The following ADARB2 variants were observed in gnomAD, a reference collection of about 807,000 sequenced individuals.
The protein encoded by ADARB2 is adenosine deaminase RNA specific B2 (inactive), also known as inactive double-stranded RNA-specific editase B2.
A neutral mutation model predicts 62.2 loss-of-function variants in ADARB2; 25 were observed. The ratio of observed to expected loss-of-function variants is 0.40; its 90% CI spans 0.29 to 0.56. The LOEUF (loss-of-function observed/expected upper bound fraction) is 0.56, where lower values mean the gene tolerates loss of function less well. Among genes scored for constraint, ADARB2 ranks in the 20% least tolerant of loss-of-function variants. The probability of loss-of-function intolerance (pLI) is 0.43; values close to 1 mark genes in which losing one functional copy is unlikely to be tolerated. For synonymous variants in ADARB2, 572 were observed against 500.8 expected, an observed-to-expected ratio of 1.14 and a Z score of -1.90; for missense variants, 1,071 against 1,077.4, an observed-to-expected ratio of 0.99 and a Z score of 0.08.
intron 1 of ADARB2, among the ~76,000 whole-genome samples, chr10:1,489,628 G>T (rs1831594686): frequency 6.6e-6 from 1 of 152,218 alleles, no homozygotes; most frequent in African/African-American, 2.4e-5. Flanking sequence ...GATGGCAAAT[G>T]CTTTTGAGTA....
At chr10:1,283,850 T>G (rs1831390375) in intron 3 of ADARB2, among the ~76,000 whole-genome samples, 1 of 152,238 alleles carries the variant, frequency 6.6e-6, no homozygotes, top group Admixed American at 6.5e-5. Flanking sequence ...ATAGTTTATG[T>G]GATTCCTTCA....
chr10:1,358,979 A>T (rs889555946), intron 3 of ADARB2, among the ~76,000 whole-genome samples: 1 of 152,208 alleles, frequency 6.6e-6, no homozygotes. Context: ...GCTGAAAAGC[A>T]TTCCTTTATG....
intron 1 of ADARB2, among the ~76,000 whole-genome samples, chr10:1,579,966 C>T (rs1236048890): frequency 6.6e-6 from 1 of 152,138 alleles, no homozygotes; most frequent in African/African-American, 2.4e-5. Context: ...GTCTGTTCAC[C>T]CAGTAAACAT....
intron 1 of ADARB2, among the ~76,000 whole-genome samples, chr10:1,475,577 G>T (rs1831389042): frequency 6.6e-6 from 1 of 152,200 alleles, no homozygotes; most frequent in African/African-American, 2.4e-5. Context: ...AAGAGAAGGA[G>T]ACACACGTCA....
Position 1,737,057 on chromosome 10 carries a change from G to A in ADARB2, c.94C>T (p.Arg32Trp). 1 of 1,611,146 alleles carries A rather than the reference G, an allele frequency of 6.2e-7. No individual in the cohort carries two copies. Among genetic ancestry groups the A allele is most frequent in the South Asian group, 1.1e-5 (1 of 91,086 alleles). Residue 32 changes from arginine to tryptophan, a missense_variant, in exon 1 of 10, where the codon CGG becomes TGG. By Grantham distance (101) the Arg-to-Trp change is moderately radical. Coordinates refer to ENST00000381312, the MANE Select transcript of ADARB2 (RefSeq NM_018702.4). Reference protein sequence around the residue: ...SKRRRRRRSKRKDKVSILSTF... With the variant: ...SKRRRRRRSKWKDKVSILSTF... ...CGCGCCACGCGGTCCTTACCTTTCCGCTTGGACCTCCGCCTCCTCCTCCTC... is the reference window on the plus strand; with the variant it reads ...CGCGCCACGCGGTCCTTACCTTTCCACTTGGACCTCCGCCTCCTCCTCCTC...
At chr10:1,549,880 C>T (rs541591365) in intron 1 of ADARB2, among the ~76,000 whole-genome samples, 3 of 152,286 alleles carry the variant, frequency 2.0e-5, no homozygotes, top group African/African-American at 7.2e-5. Context: ...CTCCTGGGTG[C>T]TGGGTCTGCA....
intron 1 of ADARB2, chr10:1,557,015 T>C (rs536575755): frequency 2.7e-6 from 1 of 376,870 alleles, no homozygotes; most frequent in East Asian, 7.4e-5. Context: ...ACTTTTCTTC[T>C]TGAGTCCTGT....
At chr10:1,666,769 T>A (rs1834322092) in intron 1 of ADARB2, among the ~76,000 whole-genome samples, 1 of 152,186 alleles carries the variant, frequency 6.6e-6, no homozygotes, top group South Asian at 2.1e-4. Context: ...CATGTTTAAC[T>A]TATATCTGAA....
intron 1 of ADARB2, among the ~76,000 whole-genome samples, chr10:1,395,883 A>G (rs1832608550): frequency 6.6e-6 from 1 of 152,130 alleles, no homozygotes; most frequent in Non-Finnish European, 1.5e-5. Context: ...GCCAGTCATG[A>G]CCAGCACTTT....
intron 3 of ADARB2, among the ~76,000 whole-genome samples, chr10:1,276,206 G>C (rs541787748): frequency 3.3e-5 from 5 of 152,280 alleles, no homozygotes; most frequent in Admixed American, 1.3e-4. Context: ...ATTCTAACTG[G>C]TGTGAGATGG....
In ADARB2 at chr10:1,270,979, G is replaced by C; in HGVS notation, c.1168C>G (p.Leu390Val). 5 of 1,614,186 alleles carry C rather than the reference G, an allele frequency of 3.1e-6. No individual in the cohort carries two copies. Among genetic ancestry groups the C allele is most frequent in the Non-Finnish European group, 4.2e-6 (5 of 1,180,034 alleles). ...LTPMHARHKA[L>V]AGIVMTKGLD... ...CCTTTGGTCATGACGATTCCTGCCA[G>C]CGCTTTATGGCGGGCGTGCATGGGC... Residue 390 changes from leucine (L) to valine (V), a missense_variant, in exon 4 of 10, where the codon CTG (leucine) becomes GTG (valine). Transcript: ENST00000381312.
At chr10:1,434,973 C>T (rs1830818051) in intron 1 of ADARB2, among the ~76,000 whole-genome samples, 1 of 152,264 alleles carries the variant, frequency 6.6e-6, no homozygotes, top group Non-Finnish European at 1.5e-5. Context: ...AGAGAAATAG[C>T]AGCCCAACCC....
chr10:1,333,846 C>T (rs932650388), intron 3 of ADARB2, among the ~76,000 whole-genome samples: 3 of 152,160 alleles, frequency 2.0e-5, no homozygotes, highest in Admixed American at 6.5e-5. Flanking sequence ...TTCCTAGGGA[C>T]AAAAAGGCAG....
At chr10:1,192,246 G>A (rs1836854132) in intron 8 of ADARB2, among the ~76,000 whole-genome samples, 1 of 152,212 alleles carries the variant, frequency 6.6e-6, no homozygotes, top group African/African-American at 2.4e-5. Flanking sequence ...GTGTCACTGG[G>A]TAGCACTGCA....
intron 7 of ADARB2, among the ~76,000 whole-genome samples, chr10:1,213,423 G>A (rs1474571769): frequency 6.6e-6 from 1 of 152,150 alleles, no homozygotes; most frequent in African/African-American, 2.4e-5. Context: ...ACCAGAACCA[G>A]AAGGTGGCTG....
intron 1 of ADARB2, among the ~76,000 whole-genome samples, chr10:1,542,626 C>T (rs28459262): frequency 8.3e-4 from 12 of 14,462 alleles, no homozygotes; most frequent in Non-Finnish European, 1.8e-3. Context: ...ATCACAGCCG[C>T]CCAGACCCCA....
At chr10:1,671,048 A>G (rs1299748349) in intron 1 of ADARB2, among the ~76,000 whole-genome samples, 1 of 152,228 alleles carries the variant, frequency 6.6e-6, no homozygotes, top group Non-Finnish European at 1.5e-5. Flanking sequence ...TTGAAAAGAA[A>G]AGGAAAGGTC....
chr10:1,581,294 T>A (rs10751805), intron 1 of ADARB2, among the ~76,000 whole-genome samples: 1 of 151,848 alleles, frequency 6.6e-6, no homozygotes, highest in Non-Finnish European at 1.5e-5. Context: ...GCTTTCCCTG[T>A]GACAGCTACC....
At chr10:1,395,745 G>A (rs1259102559) in intron 1 of ADARB2, among the ~76,000 whole-genome samples, 2 of 152,232 alleles carry the variant, frequency 1.3e-5, no homozygotes, top group Non-Finnish European at 2.9e-5. Context: ...AATGAGACAA[G>A]GACCGGGAGT....
Sources: gnomAD v4.1 joint callset for allele counts (sites outside exome capture counted in the v4.1 genomes callset) on GRCh38, gnomAD v4.1.1 for gene constraint, MANE v1.5 for transcripts, NCBI Gene and HGNC (gene_info 2026-07-23, HGNC 2026-07-21) for gene names.